The following PPP1R2 variants were observed in gnomAD, a reference collection of about 807,000 sequenced individuals.
The protein encoded by PPP1R2 is protein phosphatase 1 regulatory inhibitor subunit 2.
Under a neutral mutation model 29.9 loss-of-function variants are expected in PPP1R2, and 16 were observed. The ratio of observed to expected loss-of-function variants is 0.53; its 90% CI spans 0.36 to 0.81. The LOEUF (loss-of-function observed/expected upper bound fraction) is 0.81. Among genes scored for constraint, PPP1R2 ranks in the 30% least tolerant of loss-of-function variants. PPP1R2 has a pLI of 0.00. For synonymous variants in PPP1R2, 76 were observed against 91.5 expected (o/e 0.83, Z 0.96); for missense variants, 197 against 252.7 (o/e 0.78, Z 1.49).
At chr3:195,530,245 G>T (rs537914039) in intron 1 of PPP1R2, among the ~76,000 whole-genome samples, 53 of 152,254 alleles carry the variant, frequency 3.5e-4, no homozygotes, top group African/African-American at 1.2e-3. Flanking sequence ...AAGTCAGTAG[G>T]CATTTTTGAT....
chr3:195,527,267 C>A (rs530142854), intron 2 of PPP1R2, among the ~76,000 whole-genome samples: 1 of 151,126 alleles, frequency 6.6e-6, no homozygotes, highest in Non-Finnish European at 1.5e-5. Flanking sequence ...TTGGCCAACA[C>A]GGTGAAACCC....
intron 5 of PPP1R2, among the ~76,000 whole-genome samples, chr3:195,518,609 C>T (rs1718638696): frequency 1.3e-5 from 2 of 151,452 alleles, no homozygotes; most frequent in Non-Finnish European, 2.9e-5. Flanking sequence ...CGAGATCACG[C>T]CACTGCACTC....
At chr3:195,526,630 T>A (rs1461419073) in intron 2 of PPP1R2, among the ~76,000 whole-genome samples, 1 of 152,116 alleles carries the variant, frequency 6.6e-6, no homozygotes, top group East Asian at 1.9e-4. Flanking sequence ...TTCTTTTTCT[T>A]TAGAGATAAG....
At chr3:195,535,188 C>T (rs564433211) in intron 1 of PPP1R2, among the ~76,000 whole-genome samples, 1 of 152,146 alleles carries the variant, frequency 6.6e-6, no homozygotes, top group African/African-American at 2.4e-5. Context: ...AAGGAGTGGG[C>T]GACCTAGAGC....
intron 1 of PPP1R2, among the ~76,000 whole-genome samples, chr3:195,537,481 T>TTTTTTTTGTGTGTGTGTG (rs150119072): frequency 4.7e-5 from 6 of 128,574 alleles, no homozygotes; most frequent in African/African-American, 1.8e-4. Flanking sequence ...GGATTAGCTA[T>TTTTTTTTGTGTGTGTGTG]TGTGTGTGTG....
At chr3:195,533,222 G>A (rs1411400087) in intron 1 of PPP1R2, among the ~76,000 whole-genome samples, 1 of 152,046 alleles carries the variant, frequency 6.6e-6, no homozygotes, top group Non-Finnish European at 1.5e-5. Flanking sequence ...GCTTGCGCTT[G>A]TAGTCCTAGC....
At chr3:195,521,809 C>T (rs1001068538) in intron 4 of PPP1R2, among the ~76,000 whole-genome samples, 1 of 152,070 alleles carries the variant, frequency 6.6e-6, no homozygotes, top group Admixed American at 6.6e-5. Context: ...CACCACCATG[C>T]CTGGCTAATT....
rs756013284 is a variant in PPP1R2, at chr3:195,529,832, A to T, written c.192T>A (p.Gly64=). 1 of 1,610,668 alleles carries T rather than the reference A, an allele frequency of 6.2e-7. No individual in the cohort carries two copies. Among genetic ancestry groups the T allele is most frequent in the Non-Finnish European group, 8.5e-7 (1 of 1,179,332 alleles). Residue 64 remains glycine, a synonymous_variant, in exon 2 of 6, where the codon GGT becomes GGA. Transcript: ENST00000618156. ...ATYHPADKDY[G]LMKIDEPSTP... ...TGCTTGGTTCATCTATTTTCATTAA[A>T]CCATAGTCTTTGTCTGCTGGATGAT...
chr3:195,537,622 C>T (rs896605558), intron 1 of PPP1R2, among the ~76,000 whole-genome samples: 1 of 151,992 alleles, frequency 6.6e-6, no homozygotes, highest in Non-Finnish European at 1.5e-5. Flanking sequence ...CAGAAATCTT[C>T]CCATAAATTT....
chr3:195,537,481 T>TTTTG (rs150119072), intron 1 of PPP1R2, among the ~76,000 whole-genome samples: 1,428 of 128,572 alleles, frequency 0.011, 23 homozygotes, highest in Non-Finnish European at 0.016. Flanking sequence ...GGATTAGCTA[T>TTTTG]TGTGTGTGTG....
At chr3:195,527,014 C>T (rs1442921034) in intron 2 of PPP1R2, among the ~76,000 whole-genome samples, 1 of 151,908 alleles carries the variant, frequency 6.6e-6, no homozygotes, top group Non-Finnish European at 1.5e-5. Context: ...AACTCCTGAC[C>T]TTAGGTGATC....
intron 1 of PPP1R2, among the ~76,000 whole-genome samples, chr3:195,536,293 TAAAAAAAAAAA>T (rs10645669): frequency 2.6e-5 from 3 of 115,508 alleles, no homozygotes; most frequent in East Asian, 2.5e-4. Context: ...ACCCTGTCTT[TAAAAAAAAAAA>T]AAAAAAAAAA....
At chr3:195,534,513 A>G (rs1319807334) in intron 1 of PPP1R2, among the ~76,000 whole-genome samples, 2 of 152,264 alleles carry the variant, frequency 1.3e-5, no homozygotes, top group Non-Finnish European at 2.9e-5. Flanking sequence ...GTGCCAATGC[A>G]GTAGGGTTTA....
intron 1 of PPP1R2, among the ~76,000 whole-genome samples, chr3:195,538,731 A>G (rs554099756): frequency 4.6e-5 from 7 of 152,336 alleles, no homozygotes; most frequent in Admixed American, 1.3e-4. Flanking sequence ...CAGACTGTGT[A>G]AAAACCCCGC....
At chr3:195,535,292 C>T (rs540494234) in intron 1 of PPP1R2, among the ~76,000 whole-genome samples, 9 of 152,254 alleles carry the variant, frequency 5.9e-5, no homozygotes, top group East Asian at 1.9e-4. Flanking sequence ...GCACCTGCCA[C>T]GTGGCCTGGG....
In PPP1R2 at chr3:195,535,251, C is replaced by T. The variant is rs143537780; in HGVS notation, c.123-5350G>A. Among the ~76,000 whole-genome samples, 29 of 152,320 alleles carry T rather than the reference C, an allele frequency of 1.9e-4. No homozygotes were observed. In the East Asian group the frequency reaches 5.6e-3, roughly 29 times the overall value. ...TCACACTCCTATGAGAATCTAATGT[C>T]ACCATTGATCTGACAGGAGGTGGAG... is the stretch of plus-strand genomic sequence containing the variant. On this transcript the variant is annotated intron_variant, in intron 1 of 5. Coordinates refer to ENST00000618156, the MANE Select transcript of PPP1R2 (RefSeq NM_006241.8).
chr3:195,529,915 G>T lies in PPP1R2; in HGVS notation c.123-14C>A. 1 of 1,573,704 alleles carries T rather than the reference G, an allele frequency of 6.4e-7. No individual in the cohort carries two copies. Among genetic ancestry groups the T allele is most frequent in the Non-Finnish European group, 8.6e-7 (1 of 1,156,386 alleles). On this transcript the variant is annotated splice_polypyrimidine_tract_variant and intron_variant, in intron 1 of 5. Transcript: ENST00000618156. ...TGGGATTTTTTGCTAAAATTAAAAA[G>T]AAAAAACGTTTTTCCCAATGCAGAA...
At chr3:195,520,295 C>G (rs1175994975) in intron 4 of PPP1R2, among the ~76,000 whole-genome samples, 1 of 152,158 alleles carries the variant, frequency 6.6e-6, no homozygotes, top group Non-Finnish European at 1.5e-5. Context: ...CAGGCATGAG[C>G]CACTGCGCCT....
Position 195,543,139 on chromosome 3 carries a change from G to A in PPP1R2, c.-114C>T. On this transcript the variant is annotated 5_prime_UTR_variant, in exon 1 of 6. Transcript: ENST00000618156. ...GCCGCAGATCCCGCTCAGGGCTAAA[G>A]CGGCCGCAACTGCTGCCTCGGAAAC... 2.9e-6 allele frequency: 4 copies of A among 1,364,630 alleles called. No individual in the cohort carries two copies. Among genetic ancestry groups the A allele is most frequent in the Non-Finnish European group, 3.9e-6 (4 of 1,034,892 alleles). 84.5% of individuals were successfully genotyped at this position (1,364,630 alleles called of 1,614,324 possible). A position where few individuals can be genotyped will look rare whatever the true frequency, so the allele number is the denominator to read the frequency against.
Sources: allele counts gnomAD v4.1 joint callset (sites outside exome capture counted in the v4.1 genomes callset), GRCh38; gene constraint gnomAD v4.1.1; transcripts MANE v1.5; gene names NCBI Gene and HGNC (gene_info 2026-07-23, HGNC 2026-07-21).